Variants in MCF2L2 observed in about 807,000 individuals in gnomAD.
MCF2L2 encodes the protein probable guanine nucleotide exchange factor MCF2L2.
A neutral mutation model predicts 150.2 loss-of-function variants in MCF2L2; 102 were observed. That is an observed-to-expected ratio of 0.68 (90% CI 0.58 to 0.80). The LOEUF (loss-of-function observed/expected upper bound fraction) is 0.80. Ranked by LOEUF, MCF2L2 falls within the 30% of genes least tolerant of loss-of-function variation. The pLI is 0.00. For missense variants in MCF2L2, 1,256 were observed against 1,372.8 expected, an observed-to-expected ratio of 0.91 and a Z score of 1.34; for synonymous variants, 465 against 491.3, an observed-to-expected ratio of 0.95 and a Z score of 0.71.
chr3:183,421,754 T>C (rs1285995375), intron 1 of MCF2L2, among the ~76,000 whole-genome samples: 1 of 152,266 alleles, frequency 6.6e-6, no homozygotes, highest in Non-Finnish European at 1.5e-5. Flanking sequence ...TTAGGTAATA[T>C]ACTATAGCAA....
chr3:183,258,984 T>C (rs1725338690), intron 15 of MCF2L2, among the ~76,000 whole-genome samples: 1 of 152,202 alleles, frequency 6.6e-6, no homozygotes, highest in Admixed American at 6.5e-5. Context: ...TAGTGCATAA[T>C]GACAAGAAAA....
intron 1 of MCF2L2, among the ~76,000 whole-genome samples, chr3:183,400,828 AG>A (rs1327327154): frequency 6.6e-6 from 1 of 152,104 alleles, no homozygotes; most frequent in Admixed American, 6.5e-5. Context: ...ATAAAACGAT[AG>A]GGATAAACTT....
chr3:183,425,422 C>G (rs1255956809), intron 1 of MCF2L2, among the ~76,000 whole-genome samples: 1 of 151,138 alleles, frequency 6.6e-6, no homozygotes, highest in Admixed American at 6.6e-5. Context: ...AAGCCTTGCT[C>G]CAAGCACCTC....
chr3:183,181,950 G>T lies in MCF2L2; in HGVS notation c.3017-1791C>A, dbSNP rs664010. Among the ~76,000 whole-genome samples, 102,723 of 152,018 alleles carry T rather than the reference G, an allele frequency of 0.68. 35,477 individuals are homozygous for T. Among genetic ancestry groups the T allele is most frequent in the Middle Eastern group, 0.8 (234 of 294 alleles). On this transcript the variant is annotated intron_variant, in intron 27 of 29. Transcript: ENST00000328913. The surrounding 1 kb of genome is among the most constrained non-coding windows in gnomAD (Gnocchi z 4.3). ...GTACCTCCAGGTAAAATGATTAGTTGGTTCCAGCCCCTCTGCAGGGTAAGT... is the reference window on the plus strand; with the variant it reads ...GTACCTCCAGGTAAAATGATTAGTTTGTTCCAGCCCCTCTGCAGGGTAAGT...
intron 1 of MCF2L2, among the ~76,000 whole-genome samples, chr3:183,420,340 G>A (rs185158682): frequency 0.014 from 2,059 of 152,272 alleles, 19 homozygotes; most frequent in Non-Finnish European, 0.02. Flanking sequence ...GGTGGCTCAT[G>A]CCTGTAATCC....
In MCF2L2 at chr3:183,242,440, G is replaced by T. The variant is rs139188145; in HGVS notation, c.1863-11423C>A. ...GGGACCCCTGCTCTATGCAGTCTAG[G>T]GACTTGTTGCCCTGCATGCCAGTTG... On this transcript the variant is annotated intron_variant, in intron 15 of 29. Transcript: ENST00000328913. Among the ~76,000 whole-genome samples the T allele has an allele frequency of 4.7e-3, 712 of 152,344 alleles. 4 individuals carry two copies. Among genetic ancestry groups the T allele is most frequent in the Non-Finnish European group, 8.1e-3 (548 of 68,032 alleles).
chr3:183,361,055 A>AC (rs1456152226), intron 3 of MCF2L2, among the ~76,000 whole-genome samples: 22 of 109,968 alleles, frequency 2.0e-4, no homozygotes, highest in African/African-American at 8.6e-4. Context: ...AAAGGAAAGG[A>AC]AAGACCAGAT....
intron 15 of MCF2L2, among the ~76,000 whole-genome samples, chr3:183,258,942 T>C (rs1044016877): frequency 3.9e-5 from 6 of 152,188 alleles, no homozygotes; most frequent in African/African-American, 1.4e-4. Flanking sequence ...GCAATATAAA[T>C]GCTATGTAAA....
At chr3:183,424,045 TAGAC>T (rs546737689) in intron 1 of MCF2L2, among the ~76,000 whole-genome samples, 259 of 152,298 alleles carry the variant, frequency 1.7e-3, no homozygotes, top group Admixed American at 2.7e-3. Context: ...CCATGTTACT[TAGAC>T]AGCACACCTC....
At chr3:183,247,205 G>A (rs1322297084) in intron 15 of MCF2L2, among the ~76,000 whole-genome samples, 1 of 152,182 alleles carries the variant, frequency 6.6e-6, no homozygotes, top group African/African-American at 2.4e-5. Context: ...TTATCTAATA[G>A]TGACAGAGGA....
At chr3:183,309,451 G>A (rs546495804) in intron 10 of MCF2L2, among the ~76,000 whole-genome samples, 1 of 152,112 alleles carries the variant, frequency 6.6e-6, no homozygotes, top group Non-Finnish European at 1.5e-5. Flanking sequence ...CCACGTGAGA[G>A]GGCAGGGCTG....
In MCF2L2 at chr3:183,374,708, A is replaced by G. The variant is rs1437803566; in HGVS notation, c.275+4589T>C. On this transcript the variant is annotated intron_variant, in intron 3 of 29. Transcript: ENST00000328913. The stretch of plus-strand genomic sequence containing the variant: ...AGAAAGAAAGAAAGAAAGAAAAAAT[A>G]GAAGCCATGTCATTTGCCCCAGACC... 3 of 148,234 alleles carry G rather than the reference A, an allele frequency of 2.0e-5. No individual in the cohort carries two copies. The East Asian group carries it at 5.8e-4, about 29-fold the overall frequency. 9.2% of individuals were successfully genotyped at this position (148,234 alleles called of 1,614,324 possible). A position where few individuals can be genotyped will look rare whatever the true frequency, so the allele number is the denominator to read the frequency against.
At position 183,181,535 on chromosome 3, in the gene MCF2L2, G is replaced by C. The variant is rs1279477754; in HGVS notation, c.3017-1376C>G. Among the ~76,000 whole-genome samples the C allele has an allele frequency of 1.3e-5, 2 of 152,140 alleles. No homozygotes were observed. Among genetic ancestry groups the C allele is most frequent in the Non-Finnish European group, 2.9e-5 (2 of 68,006 alleles). Reference sequence around the variant, plus strand: ...TGCCTTCATCCTCCAGACAGGACTTGGGAGCATCTAAGGAAACCCAAGACT... The same window carrying C: ...TGCCTTCATCCTCCAGACAGGACTTCGGAGCATCTAAGGAAACCCAAGACT... On this transcript the variant is annotated intron_variant, in intron 27 of 29. Transcript: ENST00000328913. The surrounding 1 kb of genome is among the most constrained non-coding windows in gnomAD (Gnocchi z 4.3).
chr3:183,245,574 C>T (rs1419296766), intron 15 of MCF2L2, among the ~76,000 whole-genome samples: 2 of 152,084 alleles, frequency 1.3e-5, no homozygotes, highest in East Asian at 1.9e-4. Context: ...CTTCCAGGAA[C>T]CTGTTTCATT....
intron 13 of MCF2L2, among the ~76,000 whole-genome samples, chr3:183,290,736 G>A (rs952232283): frequency 1.3e-5 from 2 of 152,156 alleles, no homozygotes; most frequent in South Asian, 2.1e-4. Flanking sequence ...GTTTTACCAC[G>A]TTGGACAGGA....
At chr3:183,196,624 C>G (rs1422395555) in intron 25 of MCF2L2, among the ~76,000 whole-genome samples, 2 of 152,082 alleles carry the variant, frequency 1.3e-5, no homozygotes, top group African/African-American at 4.8e-5. Flanking sequence ...TTCTTAAAGC[C>G]CTTGCCATTT....
Position 183,181,791 on chromosome 3 carries a change from G to C in MCF2L2, c.3017-1632C>G, listed in dbSNP as rs1721532042. Among the ~76,000 whole-genome samples, 1 of 152,170 alleles carries C rather than the reference G, an allele frequency of 6.6e-6. No individual in the cohort carries two copies. Among genetic ancestry groups the C allele is most frequent in the African/African-American group, 2.4e-5 (1 of 41,436 alleles). ...GCTAGGGACCATAGAGCCACCCACT[G>C]GGAGGCTGGCGGTTGGGCCTGGCTC... On this transcript the variant is annotated intron_variant, in intron 27 of 29. Coordinates refer to ENST00000328913, the MANE Select transcript of MCF2L2 (RefSeq NM_015078.4). The surrounding 1 kb of genome is among the most constrained non-coding windows in gnomAD (Gnocchi z 4.3).
intron 1 of MCF2L2, among the ~76,000 whole-genome samples, chr3:183,398,640 A>G (rs1185290098): frequency 1.3e-5 from 2 of 152,172 alleles, no homozygotes; most frequent in Admixed American, 1.3e-4. Flanking sequence ...TGACTCCCCA[A>G]CAATTACATA....
intron 3 of MCF2L2, among the ~76,000 whole-genome samples, chr3:183,346,593 T>C (rs2108547192): frequency 6.6e-6 from 1 of 152,310 alleles, no homozygotes; most frequent in South Asian, 2.1e-4. Flanking sequence ...ATAAAGGGTA[T>C]TCAAATCGGA....
Sources: allele counts gnomAD v4.1 joint callset (sites outside exome capture counted in the v4.1 genomes callset), GRCh38; gene constraint gnomAD v4.1.1; non-coding constraint Gnocchi (gnomAD v3.1); transcripts MANE v1.5; gene names NCBI Gene and HGNC (gene_info 2026-07-23, HGNC 2026-07-21).